The following ARHGAP15 variants were observed in gnomAD, a reference collection of about 807,000 sequenced individuals.
The protein encoded by ARHGAP15 is Rho GTPase activating protein 15, also known as rho GTPase-activating protein 15.
ARHGAP15 carries 51 observed loss-of-function variants against 63.7 expected under a neutral mutation model. The ratio of observed to expected loss-of-function variants is 0.80; its 90% confidence interval spans 0.64 to 1.01. ARHGAP15 has a LOEUF of 1.01. Among genes scored for constraint, ARHGAP15 ranks in the 50% least tolerant of loss-of-function variants. The pLI, the probability that ARHGAP15 is intolerant of heterozygous loss-of-function variation, is 0.00. For synonymous variants in ARHGAP15, 191 were observed against 193.8 expected (o/e 0.99, Z 0.12); for missense variants, 560 against 564.6 (o/e 0.99, Z 0.08).
At chr2:143,330,237 G>A (rs1233614536) in intron 6 of ARHGAP15, among the ~76,000 whole-genome samples, 1 of 149,892 alleles carries the variant, frequency 6.7e-6, no homozygotes, top group East Asian at 2.0e-4. Context: ...AAGAGTTTAA[G>A]TGAAAATTGG....
intron 12 of ARHGAP15, among the ~76,000 whole-genome samples, chr2:143,690,902 C>T (rs935144964): frequency 2.6e-5 from 4 of 152,058 alleles, no homozygotes; most frequent in African/African-American, 9.7e-5. Context: ...TTGGAACGGA[C>T]ATTAATTAAA....
chr2:143,165,613 A>G (rs1241848657), intron 2 of ARHGAP15, among the ~76,000 whole-genome samples: 2 of 152,114 alleles, frequency 1.3e-5, no homozygotes, highest in African/African-American at 4.8e-5. Context: ...ACTTAAAAAA[A>G]TGTATTCAAG....
chr2:143,140,742 G>T (rs1689327302), intron 1 of ARHGAP15, among the ~76,000 whole-genome samples: 1 of 151,904 alleles, frequency 6.6e-6, no homozygotes, highest in African/African-American at 2.4e-5. Flanking sequence ...TATATATGTA[G>T]GTTGAATGAA....
chr2:143,306,897 A>T (rs1683199235), intron 6 of ARHGAP15, among the ~76,000 whole-genome samples: 2 of 152,144 alleles, frequency 1.3e-5, no homozygotes, highest in Non-Finnish European at 2.9e-5. Flanking sequence ...ATAATTTTAC[A>T]GTGTCCATGG....
intron 12 of ARHGAP15, among the ~76,000 whole-genome samples, chr2:143,663,812 A>G (rs1027397435): frequency 4.6e-5 from 7 of 152,178 alleles, no homozygotes; most frequent in Non-Finnish European, 1.0e-4. Flanking sequence ...ATCAAAAGGG[A>G]CAAAGAAGGC....
chr2:143,430,932 T>A (rs1172182117), intron 6 of ARHGAP15, among the ~76,000 whole-genome samples: 1 of 152,054 alleles, frequency 6.6e-6, no homozygotes, highest in Non-Finnish European at 1.5e-5. Context: ...GAATAATCCC[T>A]CCTTAGGTTC....
At chr2:143,618,066 A>C (rs528408678) in intron 11 of ARHGAP15, among the ~76,000 whole-genome samples, 4 of 152,336 alleles carry the variant, frequency 2.6e-5, no homozygotes, top group African/African-American at 7.2e-5. Context: ...CAGCACAGAA[A>C]GATGCTACTT....
At chr2:143,763,589 C>CAT (rs1467329457) in intron 13 of ARHGAP15, among the ~76,000 whole-genome samples, 6 of 148,114 alleles carry the variant, frequency 4.1e-5, no homozygotes, top group African/African-American at 1.6e-4. Context: ...AAATAAATTG[C>CAT]ATATATATAT....
At chr2:143,562,080 T>C (rs1053719295) in intron 11 of ARHGAP15, among the ~76,000 whole-genome samples, 5 of 152,246 alleles carry the variant, frequency 3.3e-5, no homozygotes, top group African/African-American at 1.2e-4. Flanking sequence ...ATGGATGTGC[T>C]TAGTTTAAAC....
intron 2 of ARHGAP15, among the ~76,000 whole-genome samples, chr2:143,179,322 C>T (rs928300438): frequency 1.3e-5 from 2 of 152,204 alleles, no homozygotes; most frequent in African/African-American, 4.8e-5. Context: ...AGTCATCTTG[C>T]ATTCAAAAGC....
At chr2:143,748,398 G>C (rs561253389) in intron 13 of ARHGAP15, among the ~76,000 whole-genome samples, 11 of 152,190 alleles carry the variant, frequency 7.2e-5, no homozygotes, top group African/African-American at 2.6e-4. Context: ...CTAATATAGG[G>C]GGAAAGAAAA....
intron 13 of ARHGAP15, among the ~76,000 whole-genome samples, chr2:143,731,095 G>A (rs535396735): frequency 1.3e-5 from 2 of 152,034 alleles, no homozygotes; most frequent in East Asian, 3.9e-4. Flanking sequence ...TTTTAGAGGT[G>A]AAACGCTAGA....
At chr2:143,316,554 TTA>T (rs1238275372) in intron 6 of ARHGAP15, among the ~76,000 whole-genome samples, 4 of 146,738 alleles carry the variant, frequency 2.7e-5, no homozygotes. Flanking sequence ...AAAATATATG[TTA>T]TATATTTTAA....
intron 10 of ARHGAP15, among the ~76,000 whole-genome samples, chr2:143,536,811 G>A (rs1307573060): frequency 2.0e-5 from 3 of 151,724 alleles, no homozygotes; most frequent in African/African-American, 7.3e-5. Context: ...CTTTGCTATT[G>A]TGAATAGTGC....
chr2:143,436,808 C>G (rs1038760817), intron 7 of ARHGAP15, 105 bp from the exon 8 acceptor site: 1 of 1,163,548 alleles, frequency 8.6e-7, no homozygotes, highest in Non-Finnish European at 1.2e-6. Flanking sequence ...CAAATAATTA[C>G]CTTACTTCAA....
Position 143,504,657 on chromosome 2 carries a change from C to T in ARHGAP15, c.827-14609C>T, listed in dbSNP as rs910043520. Among the ~76,000 whole-genome samples, 5 of 152,190 alleles carry T rather than the reference C, an allele frequency of 3.3e-5. 1 individual carries two copies. The South Asian group carries it at 1.0e-3, about 32-fold the overall frequency. ...TGCCTCCTCAGCTACTCAAGGGAGT[C>T]CCTGAAGTGTGTTGCACAATTTGAT... On this transcript the variant is annotated intron_variant, in intron 9 of 13. Transcript: ENST00000295095.
intron 12 of ARHGAP15, among the ~76,000 whole-genome samples, chr2:143,633,666 C>T (rs1344700265): frequency 6.6e-6 from 1 of 152,102 alleles, no homozygotes; most frequent in Non-Finnish European, 1.5e-5. Flanking sequence ...CTGAATAGAC[C>T]TGCTTTTAAA....
intron 12 of ARHGAP15, among the ~76,000 whole-genome samples, chr2:143,661,776 C>A (rs1387634600): frequency 6.6e-6 from 1 of 152,236 alleles, no homozygotes; most frequent in African/African-American, 2.4e-5. Flanking sequence ...CGCAAGGGGT[C>A]AGGGAGTTCC....
intron 11 of ARHGAP15, among the ~76,000 whole-genome samples, chr2:143,584,192 C>T (rs546580564): frequency 6.6e-6 from 1 of 152,152 alleles, no homozygotes; most frequent in Non-Finnish European, 1.5e-5. Flanking sequence ...AGATAATCAG[C>T]AGTAAAGACC....
Sources: gnomAD v4.1 joint callset for allele counts (sites outside exome capture counted in the v4.1 genomes callset) on GRCh38, gnomAD v4.1.1 for gene constraint, MANE v1.5 for transcripts, NCBI Gene and HGNC (gene_info 2026-07-23, HGNC 2026-07-21) for gene names.